Variants in TNFAIP1 observed in about 807,000 individuals in gnomAD.
TNFAIP1 encodes BTB/POZ domain-containing adapter for CUL3-mediated RhoA degradation protein 2.
Under a neutral mutation model 32.6 loss-of-function variants are expected in TNFAIP1, and 20 were observed. The observed-to-expected ratio is 0.61, with a 90% confidence interval of 0.43 to 0.89. The LOEUF is 0.89. TNFAIP1 is among the 40% of genes least tolerant of loss of function. The probability of loss-of-function intolerance (pLI) is 0.00; values close to 1 mark genes in which losing one functional copy is unlikely to be tolerated. For synonymous variants in TNFAIP1, 166 were observed against 166.8 expected, an observed-to-expected ratio of 1.00 and a Z score of 0.04; for missense variants, 319 against 425.1, an observed-to-expected ratio of 0.75 and a Z score of 2.20.
chr17:28,339,621 G>A lies in TNFAIP1; in HGVS notation c.100G>A (p.Val34Met), dbSNP rs201290313. The A allele has an allele frequency of 7.4e-6, 12 of 1,613,850 alleles. No individual in the cohort carries two copies. The highest frequency in any genetic ancestry group is 1.1e-5 in the South Asian group (1 of 91,078). The part of the protein sequence containing the change: ...GLGNKYVQLN[V>M]GGSLYYTTVR... The stretch of plus-strand genomic sequence containing the variant: ...GGGCAACAAGTATGTCCAGCTCAAC[G>A]TGGGCGGCTCTCTGTACTACACCAC... Residue 34 changes from valine to methionine, a missense_variant, in exon 2 of 7, where the codon GTG becomes ATG. By Grantham distance (21) the Val-to-Met change is conservative. Coordinates refer to ENST00000226225, the MANE Select transcript of TNFAIP1 (RefSeq NM_021137.5).
chr17:28,340,603 G>A lies in TNFAIP1; in HGVS notation c.375+125G>A, dbSNP rs1252489814. 26 of 1,093,064 alleles carry A rather than the reference G, an allele frequency of 2.4e-5. No homozygotes were observed. The highest frequency in any genetic ancestry group is 3.4e-5 in the Non-Finnish European group (26 of 771,384). 67.7% of individuals were successfully genotyped at this position (1,093,064 alleles called of 1,614,324 possible). ...CGTGGTTGATGAGTGCAAACCTAAT[G>A]AGACAAGTGAGATGCCACCCAGGCC... On this transcript the variant is annotated intron_variant, in intron 3 of 6. Transcript: ENST00000226225. This position sits in a 1 kb window ranked among gnomAD's most constrained non-coding sequence, Gnocchi z 4.1.
At chr17:28,343,317 C>T (rs953108244) in intron 6 of TNFAIP1, among the ~76,000 whole-genome samples, 2 of 152,114 alleles carry the variant, frequency 1.3e-5, no homozygotes, top group South Asian at 2.1e-4. Context: ...CAGAGAGTAG[C>T]TGCCTCCTGT....
In TNFAIP1 at chr17:28,340,370, T is replaced by C. The variant is rs782162656; in HGVS notation, c.267T>C (p.Asp89=). The C allele has an allele frequency of 6.2e-7, 1 of 1,613,722 alleles. No individual in the cohort carries two copies. Among genetic ancestry groups the C allele is most frequent in the South Asian group, 1.1e-5 (1 of 90,992 alleles). Residue 89 remains aspartate (D), a synonymous_variant, in exon 3 of 7, where the codon GAT becomes GAC. Transcript: ENST00000226225. The surrounding 1 kb of genome is among the most constrained non-coding windows in gnomAD (Gnocchi z 4.1). ...HFGTILNYLR[D]DTITLPQNRQ... ...GCACCATTTTGAATTACCTCCGAGATGACACCATCACCCTCCCTCAGAACC... is the reference window on the plus strand; with the variant it reads ...GCACCATTTTGAATTACCTCCGAGACGACACCATCACCCTCCCTCAGAACC...
intron 5 of TNFAIP1, 134 bp downstream of exon 5, chr17:28,341,590 A>T: frequency 1.0e-6 from 1 of 968,994 alleles, no homozygotes; most frequent in South Asian, 1.5e-5. Context: ...AAAAACAGAA[A>T]GTAGAAGGGA....
Position 28,340,393 on chromosome 17 carries a change from A to G in TNFAIP1, c.290A>G (p.Asn97Ser). Residue 97 changes from asparagine to serine, a missense_variant, in exon 3 of 7, where the codon AAC becomes AGC. Asn to Ser is a conservative substitution (Grantham distance 46). Transcript: ENST00000226225. The surrounding 1 kb of genome is among the most constrained non-coding windows in gnomAD (Gnocchi z 4.1). Reference protein sequence around the residue: ...LRDDTITLPQNRQEIKELMAE... With the variant: ...LRDDTITLPQSRQEIKELMAE... ...GATGACACCATCACCCTCCCTCAGA[A>G]CCGGCAAGAAATCAAGGAATTGATG... is the stretch of plus-strand genomic sequence containing the variant. The G allele has an allele frequency of 1.2e-6, 2 of 1,613,862 alleles. No homozygotes were observed. The highest frequency in any genetic ancestry group is 1.7e-6 in the Non-Finnish European group (2 of 1,179,900).
Position 28,339,615 on chromosome 17 carries a change from C to T in TNFAIP1, c.94C>T (p.Leu32Phe), listed in dbSNP as rs1555577835. 6.2e-7 allele frequency: 1 copy of T among 1,614,032 alleles called. No homozygotes were observed. Among genetic ancestry groups the T allele is most frequent in the South Asian group, 1.1e-5 (1 of 91,080 alleles). The change falls in exon 2 of 7, where the codon CTC (leucine) becomes TTC (phenylalanine). Residue 32 changes from leucine to phenylalanine, a missense_variant. Physicochemically the swap from Leu to Phe is conservative, Grantham distance 22. Transcript: ENST00000226225. ...AGGGTTGGGCAACAAGTATGTCCAG[C>T]TCAACGTGGGCGGCTCTCTGTACTA... is the stretch of plus-strand genomic sequence containing the variant. ...GGGLGNKYVQLNVGGSLYYTT... is the reference protein window; with the variant it reads ...GGGLGNKYVQFNVGGSLYYTT...
intron 1 of TNFAIP1, among the ~76,000 whole-genome samples, chr17:28,336,731 T>C (rs1037106661): frequency 5.9e-5 from 9 of 152,150 alleles, no homozygotes; most frequent in Non-Finnish European, 8.8e-5. Context: ...TGGTGAGGGC[T>C]CACCTCCCAT....
chr17:28,340,485 G>A lies in TNFAIP1; in HGVS notation c.375+7G>A, dbSNP rs1555578008. On this transcript the variant is annotated splice_region_variant and intron_variant, in intron 3 of 6. Transcript: ENST00000226225. The surrounding 1 kb of genome is among the most constrained non-coding windows in gnomAD (Gnocchi z 4.1). ...GTGCCAGAGTGCCCTGCAGGTACAT[G>A]GGTGGGGCGGAGCAGGGCGGGCAGA... The A allele has an allele frequency of 1.9e-6, 3 of 1,613,464 alleles. No homozygotes were observed. In the Admixed American group the frequency reaches 5.0e-5, roughly 27 times the overall value.
Position 28,342,654 on chromosome 17 carries a change from C to T in TNFAIP1, c.714+212C>T, listed in dbSNP as rs1907409521. On this transcript the variant is annotated intron_variant, in intron 6 of 6. Coordinates refer to ENST00000226225, the MANE Select transcript of TNFAIP1 (RefSeq NM_021137.5). This position sits in a 1 kb window ranked among gnomAD's most constrained non-coding sequence, Gnocchi z 4.0. Reference sequence around the variant, plus strand: ...GTTCCTGACAGCGCAGGGCAGGGGCCGTTGACCACCAGGAAGTAGCCTAGT... The same window carrying T: ...GTTCCTGACAGCGCAGGGCAGGGGCTGTTGACCACCAGGAAGTAGCCTAGT... The T allele has an allele frequency of 1.1e-5, 5 of 468,630 alleles. No homozygotes were observed. The highest frequency in any genetic ancestry group is 5.8e-4 in the Middle Eastern group (1 of 1,720). 29.0% of individuals were successfully genotyped at this position (468,630 alleles called of 1,614,324 possible).
chr17:28,343,039 G>A (rs1469221846), intron 6 of TNFAIP1, among the ~76,000 whole-genome samples: 11 of 152,118 alleles, frequency 7.2e-5, no homozygotes, highest in Admixed American at 2.0e-4. Flanking sequence ...GCCAGGCATC[G>A]TGGCACATGC....
chr17:28,344,526 C>T lies in TNFAIP1; in HGVS notation c.877C>T (p.Arg293Cys), dbSNP rs782807411. The T allele has an allele frequency of 2.5e-6, 4 of 1,613,936 alleles. No individual in the cohort carries two copies. Among genetic ancestry groups the T allele is most frequent in the Non-Finnish European group, 3.4e-6 (4 of 1,180,034 alleles). The part of the protein sequence containing the change: ...EETFELRDRV[R>C]RIHVKRYSTY... Reference sequence around the variant, plus strand: ...GACCTTTGAACTGCGGGACCGTGTCCGCCGCATCCACGTCAAGCGCTACAG... The same window carrying T: ...GACCTTTGAACTGCGGGACCGTGTCTGCCGCATCCACGTCAAGCGCTACAG... Residue 293 changes from arginine to cysteine, a missense_variant, in exon 7 of 7, where the codon CGC becomes TGC. Physicochemically the swap from Arg to Cys is radical, Grantham distance 180. Transcript: ENST00000226225.
At chr17:28,338,402 G>A (rs1907246581) in intron 1 of TNFAIP1, among the ~76,000 whole-genome samples, 1 of 152,182 alleles carries the variant, frequency 6.6e-6, no homozygotes, top group Non-Finnish European at 1.5e-5. Flanking sequence ...TCCTATAGCT[G>A]TTCTTCCCTG....
intron 2 of TNFAIP1, 29 bp downstream of exon 2, chr17:28,339,755 G>T (rs1555577889): frequency 1.2e-6 from 2 of 1,605,218 alleles, no homozygotes; most frequent in Non-Finnish European, 1.7e-6. Context: ...CGCTCGGGGT[G>T]GGGAGGGCAG....
intron 1 of TNFAIP1, among the ~76,000 whole-genome samples, chr17:28,338,127 T>G (rs1281750515): frequency 6.6e-6 from 1 of 152,184 alleles, no homozygotes; most frequent in Non-Finnish European, 1.5e-5. Context: ...CTGAATGAGT[T>G]AAATGAGCTA....
In TNFAIP1 at chr17:28,340,718, T is replaced by G. The variant is rs1298881856; in HGVS notation, c.375+240T>G. ...GCTTTGCTACCCGGATTTTAGGGGGTTTTTCTGTTTTTGCTTTTGTTTCTG... is the reference window on the plus strand; with the variant it reads ...GCTTTGCTACCCGGATTTTAGGGGGGTTTTCTGTTTTTGCTTTTGTTTCTG... On this transcript the variant is annotated intron_variant, in intron 3 of 6. Transcript: ENST00000226225. The surrounding 1 kb of genome is among the most constrained non-coding windows in gnomAD (Gnocchi z 4.1). 1.3e-5 allele frequency among the ~76,000 whole-genome samples: 2 copies of G among 151,404 alleles called. No homozygotes were observed. Among genetic ancestry groups the G allele is most frequent in the African/African-American group, 2.4e-5 (1 of 41,164 alleles).
Position 28,342,615 on chromosome 17 carries a change from A to T in TNFAIP1, c.714+173A>T. 1.7e-6 allele frequency: 1 copy of T among 601,662 alleles called. No homozygotes were observed. The highest frequency in any genetic ancestry group is 3.6e-5 in the South Asian group (1 of 28,036). The allele number at this position is 601,662 out of a possible 1,614,324, so 37.3% of individuals were successfully genotyped here. A position where few individuals can be genotyped will look rare whatever the true frequency, so the allele number is the denominator to read the frequency against. On this transcript the variant is annotated intron_variant, in intron 6 of 6. Coordinates refer to ENST00000226225, the MANE Select transcript of TNFAIP1 (RefSeq NM_021137.5). This position sits in a 1 kb window ranked among gnomAD's most constrained non-coding sequence, Gnocchi z 4.0. Reference sequence around the variant, plus strand: ...CCAGAACAAGGGGTGTGGGGAATGGACGGGAACTGCTTTGTTCCTGACAGC... The same window carrying T: ...CCAGAACAAGGGGTGTGGGGAATGGTCGGGAACTGCTTTGTTCCTGACAGC...
chr17:28,343,802 G>C (rs536877220), intron 6 of TNFAIP1, among the ~76,000 whole-genome samples: 2 of 152,040 alleles, frequency 1.3e-5, no homozygotes, highest in Non-Finnish European at 2.9e-5. Context: ...TCAGGTGCTT[G>C]ACTGCCTTCC....
Position 28,339,454 on chromosome 17 carries a change from C to A in TNFAIP1, c.-68C>A. ...GCCTCCACTGGCCACTCACTCGTGA[C>A]CCTTTCCACCACGGCGGAGCCTTCC... is the stretch of plus-strand genomic sequence containing the variant. On this transcript the variant is annotated 5_prime_UTR_variant, in exon 2 of 7. Transcript: ENST00000226225. 6.8e-7 allele frequency: 1 copy of A among 1,469,744 alleles called. No individual in the cohort carries two copies. The highest frequency in any genetic ancestry group is 2.3e-5 in the East Asian group (1 of 42,968). The allele number at this position is 1,469,744 out of a possible 1,614,324, so 91.0% of individuals were successfully genotyped here.
chr17:28,340,900 G>A lies in TNFAIP1; in HGVS notation c.376-337G>A, dbSNP rs534241860. ...GCTGGGAATGCCAGCATGCGCCATGGCACCCAGCTAATCTTTGTATTTTTT... is the reference window on the plus strand; with the variant it reads ...GCTGGGAATGCCAGCATGCGCCATGACACCCAGCTAATCTTTGTATTTTTT... On this transcript the variant is annotated intron_variant, in intron 3 of 6. Coordinates refer to ENST00000226225, the MANE Select transcript of TNFAIP1 (RefSeq NM_021137.5). This position sits in a 1 kb window ranked among gnomAD's most constrained non-coding sequence, Gnocchi z 4.1. Among the ~76,000 whole-genome samples the A allele has an allele frequency of 1.3e-5, 2 of 152,192 alleles. No individual in the cohort carries two copies. Among genetic ancestry groups the A allele is most frequent in the East Asian group, 3.9e-4 (2 of 5,170 alleles).
Sources: allele counts gnomAD v4.1 joint callset (sites outside exome capture counted in the v4.1 genomes callset), GRCh38; gene constraint gnomAD v4.1.1; non-coding constraint Gnocchi (gnomAD v3.1); transcripts MANE v1.5; gene names NCBI Gene and HGNC (gene_info 2026-07-23, HGNC 2026-07-21).